PIP5K1B: variants seen among roughly 807,000 people sequenced by gnomAD.
PIP5K1B encodes phosphatidylinositol 4-phosphate 5-kinase type-1 beta.
Under a neutral mutation model 67.0 loss-of-function variants are expected in PIP5K1B, and 42 were observed. That is an observed-to-expected ratio of 0.63 (90% CI 0.49 to 0.81). The LOEUF is 0.81. Ranked by LOEUF, PIP5K1B falls within the 30% of genes least tolerant of loss-of-function variation. PIP5K1B has a pLI of 0.00. For missense variants in PIP5K1B, 459 were observed against 646.3 expected, an observed-to-expected ratio of 0.71 and a Z score of 3.14; for synonymous variants, 214 against 231.4, an observed-to-expected ratio of 0.92 and a Z score of 0.68.
chr9:68,951,303 G>T (rs1828054771), intron 14 of PIP5K1B, among the ~76,000 whole-genome samples: 1 of 152,162 alleles, frequency 6.6e-6, no homozygotes, highest in African/African-American at 2.4e-5. Flanking sequence ...CATCCTGAAG[G>T]CTACATGGGG....
chr9:68,787,028 C>A (rs1055660380), intron 2 of PIP5K1B, among the ~76,000 whole-genome samples: 1 of 152,180 alleles, frequency 6.6e-6, no homozygotes, highest in Non-Finnish European at 1.5e-5. Context: ...TACCATGACA[C>A]GCAACCTCTG....
At chr9:68,927,328 C>T (rs1352659333) in intron 12 of PIP5K1B, among the ~76,000 whole-genome samples, 1 of 152,164 alleles carries the variant, frequency 6.6e-6, no homozygotes, top group Non-Finnish European at 1.5e-5. Flanking sequence ...TCTCTGATAA[C>T]ATTTTGAGGA....
At chr9:68,731,159 G>A (rs1028816254) in intron 1 of PIP5K1B, among the ~76,000 whole-genome samples, 1 of 152,208 alleles carries the variant, frequency 6.6e-6, no homozygotes, top group Non-Finnish European at 1.5e-5. Context: ...AATCTTAGAG[G>A]CTGTTCTAGA....
intron 4 of PIP5K1B, chr9:68,823,986 TGGTTGGAAA>T: frequency 4.6e-6 from 2 of 432,874 alleles, no homozygotes; most frequent in Non-Finnish European, 9.1e-6. Flanking sequence ...AGTGATGGTG[TGGTTGGAAA>T]AGAGTTGGGT....
chr9:68,754,175 C>CTTTTTTTTTTTTTTTTTTTTTTTT lies in PIP5K1B; in HGVS notation c.-86+11530_-86+11531insTTTTTTTTTTTTTTTTTTTTTTTT, dbSNP rs71353081. Among the ~76,000 whole-genome samples, 86 of 101,066 alleles carry CTTTTTTTTTTTTTTTTTTTTTTTT rather than the reference C, an allele frequency of 8.5e-4. 10 individuals are homozygous for CTTTTTTTTTTTTTTTTTTTTTTTT. Among genetic ancestry groups the CTTTTTTTTTTTTTTTTTTTTTTTT allele is most frequent in the African/African-American group, 1.3e-3 (32 of 24,408 alleles). The allele number at this position is 101,066 out of a possible 152,430, so 66.3% of individuals were successfully genotyped here. On this transcript the variant is annotated intron_variant, in intron 2 of 15. Transcript: ENST00000265382. ...AGTCTTCTTTTATGTTCCATGATTT[C>CTTTTTTTTTTTTTTTTTTTTTTTT]TTTTTTTTTTTTGAGACAGAGTCTC... is the stretch of plus-strand genomic sequence containing the variant.
At chr9:68,845,628 G>A (rs1390043217) in intron 4 of PIP5K1B, among the ~76,000 whole-genome samples, 1 of 152,206 alleles carries the variant, frequency 6.6e-6, no homozygotes, top group African/African-American at 2.4e-5. Flanking sequence ...GGGAGAAGCT[G>A]AAGGCCTAAC....
chr9:68,895,237 G>A (rs1825019382), intron 8 of PIP5K1B, among the ~76,000 whole-genome samples: 1 of 150,144 alleles, frequency 6.7e-6, no homozygotes, highest in African/African-American at 2.5e-5. Flanking sequence ...TCCAAAGTGG[G>A]GAGGAATTCC....
intron 8 of PIP5K1B, among the ~76,000 whole-genome samples, chr9:68,906,268 C>G (rs1318153175): frequency 1.3e-5 from 2 of 152,326 alleles, no homozygotes; most frequent in East Asian, 3.9e-4. Flanking sequence ...ATCCACCTGC[C>G]TTGGCCTGCC....
chr9:68,911,864 G>A (rs1333321640), intron 8 of PIP5K1B, among the ~76,000 whole-genome samples: 1 of 152,176 alleles, frequency 6.6e-6, no homozygotes, highest in Admixed American at 6.5e-5. Context: ...CCTGGGTGAT[G>A]GAGTGAGACT....
chr9:68,958,609 A>T (rs989629318), intron 14 of PIP5K1B, among the ~76,000 whole-genome samples: 6 of 152,170 alleles, frequency 3.9e-5, no homozygotes, highest in Non-Finnish European at 8.8e-5. Context: ...AACTAGATAT[A>T]ATTCTTTGCT....
At chr9:68,731,302 GA>G (rs1828417970) in intron 1 of PIP5K1B, among the ~76,000 whole-genome samples, 1 of 152,210 alleles carries the variant, frequency 6.6e-6, no homozygotes, top group African/African-American at 2.4e-5. Context: ...CAGAAGAGGT[GA>G]AGCTAACACT....
At chr9:68,910,864 T>A (rs1825812468) in intron 8 of PIP5K1B, among the ~76,000 whole-genome samples, 1 of 152,192 alleles carries the variant, frequency 6.6e-6, no homozygotes, top group African/African-American at 2.4e-5. Flanking sequence ...TCAGAGCACA[T>A]TCAGGGGTAA....
intron 14 of PIP5K1B, among the ~76,000 whole-genome samples, chr9:68,988,968 G>A (rs914029201): frequency 3.3e-5 from 5 of 151,482 alleles, no homozygotes; most frequent in South Asian, 2.1e-4. Context: ...GGTGGCGGGC[G>A]CCTGTAATCC....
At chr9:68,932,888 G>A (rs750082872) in intron 12 of PIP5K1B, among the ~76,000 whole-genome samples, 10 of 152,106 alleles carry the variant, frequency 6.6e-5, no homozygotes, top group Non-Finnish European at 1.3e-4. Context: ...ATCACCTGAG[G>A]TCAGGAGTTC....
intron 2 of PIP5K1B, among the ~76,000 whole-genome samples, chr9:68,788,094 T>C (rs1179899211): frequency 6.6e-6 from 1 of 152,224 alleles, no homozygotes. Context: ...ACACACCTTG[T>C]CCTTGAGAAC....
At chr9:68,830,505 G>T (rs1834254109) in intron 4 of PIP5K1B, among the ~76,000 whole-genome samples, 1 of 152,164 alleles carries the variant, frequency 6.6e-6, no homozygotes, top group Non-Finnish European at 1.5e-5. Context: ...TTCAGCATTC[G>T]CTTTGGAGGG....
intron 6 of PIP5K1B, among the ~76,000 whole-genome samples, chr9:68,883,369 GCT>G (rs1031613584): frequency 2.6e-5 from 4 of 152,170 alleles, no homozygotes; most frequent in African/African-American, 9.7e-5. Flanking sequence ...GTAGGCTTAG[GCT>G]CTAATGCTGT....
intron 2 of PIP5K1B, among the ~76,000 whole-genome samples, chr9:68,754,350 T>C (rs896537465): frequency 6.6e-6 from 1 of 151,674 alleles, no homozygotes; most frequent in African/African-American, 2.4e-5. Flanking sequence ...TTTGTATTTT[T>C]AGTAGAGACG....
chr9:68,919,335 C>CA (rs937942222), intron 9 of PIP5K1B, 144 bp from the exon 10 acceptor site: 7,570 of 460,342 alleles, frequency 0.016, no homozygotes, highest in South Asian at 0.021. Context: ...AAGGAACAAA[C>CA]AAAAAAAAAA....
Sources: allele counts gnomAD v4.1 joint callset (sites outside exome capture counted in the v4.1 genomes callset), GRCh38; gene constraint gnomAD v4.1.1; transcripts MANE v1.5; gene names NCBI Gene and HGNC (gene_info 2026-07-23, HGNC 2026-07-21).